Variants in SUZ12 observed in about 807,000 individuals in gnomAD.
SUZ12 encodes the protein polycomb protein SUZ12.
A neutral mutation model predicts 87.3 loss-of-function variants in SUZ12; 17 were observed. The ratio of observed to expected loss-of-function variants is 0.19; its 90% CI spans 0.13 to 0.29. The LOEUF is 0.29. Among genes scored for constraint, SUZ12 ranks in the 10% least tolerant of loss-of-function variants. The pLI is 1.00. For synonymous variants in SUZ12, 253 were observed against 312.4 expected (o/e 0.81, Z 2.01); for missense variants, 526 against 912.2 (o/e 0.58, Z 5.45).
rs549958597 is a variant in SUZ12 at position 31,978,133 on chromosome 17, C to G, written c.917+1519C>G. On this transcript the variant is annotated intron_variant, in intron 8 of 15. Transcript: ENST00000322652. Reference sequence around the variant, plus strand: ...TACCAGGCTGCGTGCTGGTAGTTAACAGTTTATTGTCAGGTATAGGACAAA... The same window carrying G: ...TACCAGGCTGCGTGCTGGTAGTTAAGAGTTTATTGTCAGGTATAGGACAAA... 3.1e-4 allele frequency among the ~76,000 whole-genome samples: 47 copies of G among 152,240 alleles called. No homozygotes were observed. In the South Asian group the frequency reaches 5.0e-3, roughly 16 times the overall value.
intron 4 of SUZ12, among the ~76,000 whole-genome samples, chr17:31,956,128 T>C (rs1907318292): frequency 6.6e-6 from 1 of 151,730 alleles, no homozygotes; most frequent in African/African-American, 2.4e-5. Flanking sequence ...TTAGCCAGGA[T>C]GTTCTCAATC....
chr17:31,993,005 A>G (rs1356571355), intron 10 of SUZ12, among the ~76,000 whole-genome samples: 1 of 152,138 alleles, frequency 6.6e-6, no homozygotes, highest in African/African-American at 2.4e-5. Context: ...GCGCCCGGCC[A>G]GAGGTGCTTT....
chr17:31,940,264 G>A (rs1959292207), intron 1 of SUZ12, 22 bp from the exon 2 acceptor site: 1 of 1,601,306 alleles, frequency 6.2e-7, no homozygotes, highest in Non-Finnish European at 8.5e-7. Flanking sequence ...ATCATGTTTG[G>A]ATTTTGTTTC....
At chr17:31,980,532 C>T (rs1909043673) in intron 8 of SUZ12, among the ~76,000 whole-genome samples, 1 of 144,804 alleles carries the variant, frequency 6.9e-6, no homozygotes, top group African/African-American at 2.5e-5. Context: ...TCACCGCTAC[C>T]TCTGCCTCCC....
intron 3 of SUZ12, among the ~76,000 whole-genome samples, chr17:31,943,630 T>C (rs1906436894): frequency 1.3e-5 from 2 of 152,116 alleles, no homozygotes; most frequent in Non-Finnish European, 2.9e-5. Flanking sequence ...GATTTGACCA[T>C]GGTCCATAGT....
At chr17:31,951,209 A>G (rs1360868939) in intron 4 of SUZ12, among the ~76,000 whole-genome samples, 2 of 152,144 alleles carry the variant, frequency 1.3e-5, no homozygotes, top group Non-Finnish European at 1.5e-5. Flanking sequence ...TGAGCCCAAT[A>G]TATTTCATTC....
At chr17:31,951,308 G>C (rs1906963707) in intron 4 of SUZ12, among the ~76,000 whole-genome samples, 2 of 152,132 alleles carry the variant, frequency 1.3e-5, no homozygotes, top group Admixed American at 1.3e-4. Context: ...AGTTTATTAT[G>C]ACATTTGTAG....
At chr17:31,965,249 C>T (rs1218336607) in intron 4 of SUZ12, among the ~76,000 whole-genome samples, 2 of 152,136 alleles carry the variant, frequency 1.3e-5, no homozygotes, top group Non-Finnish European at 2.9e-5. Context: ...TTTCCTTTCC[C>T]CACCATCTGT....
At chr17:31,962,536 A>T (rs777618865) in intron 4 of SUZ12, among the ~76,000 whole-genome samples, 14,960 of 146,266 alleles carry the variant, frequency 0.1, no homozygotes, top group South Asian at 0.2. Flanking sequence ...GGTTGCAGTG[A>T]GCCTAGATTG....
At chr17:31,973,415 TA>T (rs773824258) in intron 6 of SUZ12, among the ~76,000 whole-genome samples, 184 bp downstream of exon 6, 2 of 152,236 alleles carry the variant, frequency 1.3e-5, no homozygotes, top group Non-Finnish European at 1.5e-5. Flanking sequence ...GTAGTTTTTC[TA>T]GTCTTTTAAT....
intron 8 of SUZ12, among the ~76,000 whole-genome samples, chr17:31,979,184 C>T (rs1404180328): frequency 6.6e-6 from 1 of 151,294 alleles, no homozygotes; most frequent in Non-Finnish European, 1.5e-5. Flanking sequence ...TCCACATACC[C>T]TTCATCTAGA....
rs1366092096 is a variant in SUZ12 at position 31,995,761 on chromosome 17, C to T, written c.1793C>T (p.Thr598Ile). ...GAATGGCTAAGAGAAAAAACCATTACAGTAATTATTATTATCTTTATTGGC... is the reference window on the plus strand; with the variant it reads ...GAATGGCTAAGAGAAAAAACCATTATAGTAATTATTATTATCTTTATTGGC... ...DPEWLREKTI[T>I]QIEEFSDVNE... The change falls in exon 14 of 16, where the codon ACA becomes ATA. Residue 598 changes from threonine to isoleucine, a missense_variant and splice_region_variant. Thr to Ile is a moderately conservative substitution (Grantham distance 89). Around this residue, in one of 9 missense-constraint regions of SUZ12, gnomAD observed 143 missense variants for 321.6 expected, o/e 0.44. Transcript: ENST00000322652. The T allele has an allele frequency of 6.3e-7, 1 of 1,594,580 alleles. No homozygotes were observed.
chr17:31,968,374 G>A (rs925066690), intron 5 of SUZ12, among the ~76,000 whole-genome samples: 3 of 151,988 alleles, frequency 2.0e-5, no homozygotes, highest in African/African-American at 4.8e-5. Flanking sequence ...AACTACAGGC[G>A]TTCCCACCAT....
At chr17:31,951,683 A>G (rs1417303777) in intron 4 of SUZ12, among the ~76,000 whole-genome samples, 1 of 151,088 alleles carries the variant, frequency 6.6e-6, no homozygotes, top group Non-Finnish European at 1.5e-5. Context: ...TCACCATGTT[A>G]GCCAGGATGG....
chr17:31,941,915 C>G (rs1434332553), intron 3 of SUZ12, among the ~76,000 whole-genome samples: 2 of 151,734 alleles, frequency 1.3e-5, no homozygotes, highest in African/African-American at 4.8e-5. Flanking sequence ...TGCAGTGGTG[C>G]GATATCGGCT....
At chr17:31,942,669 T>C (rs565775828) in intron 3 of SUZ12, among the ~76,000 whole-genome samples, 1 of 152,258 alleles carries the variant, frequency 6.6e-6, no homozygotes, top group South Asian at 2.1e-4. Flanking sequence ...GGAAACACTT[T>C]TGAAATCAAT....
At chr17:31,940,829 A>G (rs1264582140) in intron 3 of SUZ12, among the ~76,000 whole-genome samples, 1 of 151,904 alleles carries the variant, frequency 6.6e-6, no homozygotes, top group African/African-American at 2.4e-5. Flanking sequence ...TTTGGCCAAC[A>G]TGGGAAAACC....
chr17:31,979,673 A>G (rs1322654846), intron 8 of SUZ12, among the ~76,000 whole-genome samples: 3 of 152,226 alleles, frequency 2.0e-5, no homozygotes, highest in African/African-American at 7.2e-5. Context: ...CATCACAGAC[A>G]AAAGGTAATA....
chr17:31,949,881 C>T (rs1470520361), intron 4 of SUZ12, among the ~76,000 whole-genome samples: 2 of 151,808 alleles, frequency 1.3e-5, no homozygotes, highest in South Asian at 2.1e-4. Flanking sequence ...CAGAGTTTCA[C>T]CATGTTGGCC....
Sources: gnomAD v4.1 joint callset for allele counts (sites outside exome capture counted in the v4.1 genomes callset) on GRCh38, gnomAD v4.1.1 for gene constraint, gnomAD v4.1.1 regional missense constraint, MANE v1.5 for transcripts, NCBI Gene and HGNC (gene_info 2026-07-23, HGNC 2026-07-21) for gene names.